FMN2: variants seen among roughly 807,000 people sequenced by gnomAD.
The protein encoded by FMN2 is formin-2.
Under a neutral mutation model 142.3 loss-of-function variants are expected in FMN2, and 51 were observed. That is an observed-to-expected ratio of 0.36 (90% CI 0.29 to 0.45). The LOEUF (loss-of-function observed/expected upper bound fraction) is 0.45, where lower values mean the gene tolerates loss of function less well. Ranked by LOEUF, FMN2 falls within the 20% of genes least tolerant of loss-of-function variation. The pLI, the probability that FMN2 is intolerant of heterozygous loss-of-function variation, is 1.00. For synonymous variants in FMN2, 882 were observed against 869.8 expected (o/e 1.01, Z -0.25); for missense variants, 1,936 against 2,122.8 (o/e 0.91, Z 1.73).
intron 14 of FMN2, among the ~76,000 whole-genome samples, chr1:240,357,564 C>G (rs951451050): frequency 2.9e-4 from 44 of 150,934 alleles, no homozygotes; most frequent in African/African-American, 1.0e-3. Flanking sequence ...CCCAGTCATA[C>G]TAACTGTGTA....
chr1:240,111,095 G>A (rs1571935764), intron 1 of FMN2, among the ~76,000 whole-genome samples: 1 of 152,056 alleles, frequency 6.6e-6, no homozygotes, highest in East Asian at 1.9e-4. Context: ...ACATTTATTG[G>A]GTACTGTTAA....
In FMN2 at chr1:240,441,915, G is replaced by T. The variant is rs551413229; in HGVS notation, c.5060+3705G>T. On this transcript the variant is annotated intron_variant, in intron 16 of 17. Coordinates refer to ENST00000319653, the MANE Select transcript of FMN2 (RefSeq NM_020066.5). ...TGATCATTGTAGGTAATAAAACCCC[G>T]CTCTGAATACCTCAAAGCAAAAAGA... is the stretch of plus-strand genomic sequence containing the variant. Among the ~76,000 whole-genome samples the T allele has an allele frequency of 6.6e-5, 10 of 152,128 alleles. No individual in the cohort carries two copies. In the East Asian group the frequency reaches 1.9e-3, roughly 29 times the overall value.
chr1:240,246,286 G>A (rs917628233), intron 6 of FMN2, among the ~76,000 whole-genome samples: 1 of 152,150 alleles, frequency 6.6e-6, no homozygotes, highest in African/African-American at 2.4e-5. Context: ...TTAGTCATAT[G>A]GCTATCCCTG....
intron 6 of FMN2, among the ~76,000 whole-genome samples, chr1:240,247,804 A>T (rs1011694187): frequency 2.0e-5 from 3 of 152,138 alleles, no homozygotes; most frequent in Non-Finnish European, 4.4e-5. Flanking sequence ...TTGCATGTTC[A>T]ATGTTTATTA....
At chr1:240,338,538 A>G (rs377646727) in intron 13 of FMN2, among the ~76,000 whole-genome samples, 17 of 152,278 alleles carry the variant, frequency 1.1e-4, no homozygotes, top group East Asian at 7.7e-4. Flanking sequence ...TAAACAATTC[A>G]TATGTTTTAT....
chr1:240,144,965 C>T, intron 2 of FMN2: 1 of 1,255,344 alleles, frequency 8.0e-7, no homozygotes, highest in Non-Finnish European at 1.2e-6. Context: ...GAGGCACTCG[C>T]ACTCCCCACT....
chr1:240,393,889 T>G (rs1673690607), intron 15 of FMN2, among the ~76,000 whole-genome samples: 1 of 152,212 alleles, frequency 6.6e-6, no homozygotes, highest in Non-Finnish European at 1.5e-5. Flanking sequence ...CACAGCTACT[T>G]GCCACACAGA....
intron 1 of FMN2, among the ~76,000 whole-genome samples, chr1:240,111,259 T>G (rs1407975256): frequency 6.6e-6 from 1 of 152,094 alleles, no homozygotes; most frequent in African/African-American, 2.4e-5. Flanking sequence ...ATCAGTGTTA[T>G]CGGAAAGGGG....
At chr1:240,332,127 C>A (rs931301688) in intron 11 of FMN2, among the ~76,000 whole-genome samples, 3 of 152,046 alleles carry the variant, frequency 2.0e-5, no homozygotes, top group African/African-American at 4.8e-5. Context: ...CTTCCAAAAT[C>A]GAATAATTCA....
intron 1 of FMN2, among the ~76,000 whole-genome samples, chr1:240,111,690 C>G (rs564455071): frequency 6.6e-6 from 1 of 152,198 alleles, no homozygotes; most frequent in South Asian, 2.1e-4. Flanking sequence ...CTTGTGCTGA[C>G]CTCCTACTCA....
intron 16 of FMN2, among the ~76,000 whole-genome samples, chr1:240,451,960 G>A (rs1213478470): frequency 1.3e-5 from 2 of 152,036 alleles, no homozygotes; most frequent in African/African-American, 4.8e-5. Flanking sequence ...GGGAGGCCGA[G>A]GTGGGCAGAT....
In FMN2 at chr1:240,092,455, A is replaced by G; in HGVS notation, c.346A>G (p.Thr116Ala). 3.1e-6 allele frequency: 5 copies of G among 1,609,818 alleles called. No homozygotes were observed. The highest frequency in any genetic ancestry group is 4.2e-6 in the Non-Finnish European group (5 of 1,178,308). ...GELDSAHSLL[T>A]KTPDLSLSAD... ...GCTGGACAGCGCTCACTCCCTGCTCACCAAGACTCCAGACCTCAGCCTCTC... is the reference window on the plus strand; with the variant it reads ...GCTGGACAGCGCTCACTCCCTGCTCGCCAAGACTCCAGACCTCAGCCTCTC... The change falls in exon 1 of 18, where the codon ACC (threonine) becomes GCC (alanine). Residue 116 changes from threonine to alanine, a missense_variant. By Grantham distance (58) the Thr-to-Ala change is moderately conservative (BLOSUM62 0). Coordinates refer to ENST00000319653, the MANE Select transcript of FMN2 (RefSeq NM_020066.5).
At chr1:240,170,524 G>T in intron 2 of FMN2, 1 of 1,533,532 alleles carries the variant, frequency 6.5e-7, no homozygotes, top group Non-Finnish European at 9.0e-7. Flanking sequence ...AGTCACTCAA[G>T]GGAAAGGATT....
chr1:240,343,719 A>G (rs1023267485), intron 13 of FMN2, among the ~76,000 whole-genome samples: 4 of 152,194 alleles, frequency 2.6e-5, no homozygotes, highest in Non-Finnish European at 5.9e-5. Flanking sequence ...AATGAGATGA[A>G]ATTAATGCAT....
chr1:240,304,234 T>C (rs77657598), intron 8 of FMN2, among the ~76,000 whole-genome samples: 150 of 152,340 alleles, frequency 9.8e-4, no homozygotes, highest in African/African-American at 3.3e-3. Flanking sequence ...TCTTTGTATG[T>C]CTTGTGATTT....
chr1:240,131,922 T>C lies in FMN2; in HGVS notation c.1782+8577T>C, dbSNP rs77227461. ...GATTGGCATTTGTAAAATATCACTG[T>C]GGTGGCAGATTGGAGAATGGATTGA... On this transcript the variant is annotated intron_variant, in intron 2 of 17. Transcript: ENST00000319653. Among the ~76,000 whole-genome samples the C allele has an allele frequency of 7.2e-3, 1,092 of 152,296 alleles. 12 individuals carry two copies. The highest frequency in any genetic ancestry group is 1.0e-2 in the Non-Finnish European group (677 of 68,032).
At chr1:240,443,062 T>C (rs1262789447) in intron 16 of FMN2, among the ~76,000 whole-genome samples, 1 of 152,200 alleles carries the variant, frequency 6.6e-6, no homozygotes, top group Non-Finnish European at 1.5e-5. Flanking sequence ...GGTATCCTGG[T>C]CATGGCTCCC....
At chr1:240,373,233 A>G (rs149328600) in intron 14 of FMN2, among the ~76,000 whole-genome samples, 5 of 152,250 alleles carry the variant, frequency 3.3e-5, no homozygotes, top group African/African-American at 1.2e-4. Flanking sequence ...GCAAGTTGTG[A>G]TCTTTTTTCT....
At chr1:240,414,335 G>A (rs1000405836) in intron 15 of FMN2, among the ~76,000 whole-genome samples, 4 of 152,204 alleles carry the variant, frequency 2.6e-5, no homozygotes, top group African/African-American at 9.6e-5. Flanking sequence ...TTTTGCAGGT[G>A]AGGAAATGAA....
Sources: gnomAD v4.1 joint callset for allele counts (sites outside exome capture counted in the v4.1 genomes callset) on GRCh38, gnomAD v4.1.1 for gene constraint, MANE v1.5 for transcripts, NCBI Gene and HGNC (gene_info 2026-07-23, HGNC 2026-07-21) for gene names.